ELAVL4: variants seen among roughly 807,000 people sequenced by gnomAD.
ELAVL4 encodes ELAV like RNA binding protein 4.
In ELAVL4, 1 loss-of-function variant was observed where a neutral mutation model predicts 35.6. The ratio of observed to expected loss-of-function variants is 0.03; its 90% CI spans 0.01 to 0.13. ELAVL4 has a LOEUF of 0.13. Among genes scored for constraint, ELAVL4 ranks in the 10% least tolerant of loss-of-function variants. ELAVL4 has a pLI of 1.00. For synonymous variants in ELAVL4, 156 were observed against 171.0 expected, an observed-to-expected ratio of 0.91 and a Z score of 0.69; for missense variants, 267 against 464.9, an observed-to-expected ratio of 0.57 and a Z score of 3.91.
intron 1 of ELAVL4, among the ~76,000 whole-genome samples, chr1:50,093,897 A>T (rs1665600177): frequency 6.6e-6 from 1 of 152,220 alleles, no homozygotes; most frequent in Admixed American, 6.5e-5. Context: ...TGAGTAAATG[A>T]TGTATGTTAT....
chr1:50,161,540 C>G (rs1676809610), intron 2 of ELAVL4, among the ~76,000 whole-genome samples: 1 of 152,000 alleles, frequency 6.6e-6, no homozygotes, highest in African/African-American at 2.4e-5. Context: ...AATTTCCTTT[C>G]TTTTCTGAAC....
intron 1 of ELAVL4, among the ~76,000 whole-genome samples, chr1:50,128,295 G>C (rs1670284591): frequency 6.6e-6 from 1 of 152,088 alleles, no homozygotes; most frequent in Non-Finnish European, 1.5e-5. Flanking sequence ...GGGCAATATA[G>C]CTTTAAAAGA....
At chr1:50,115,380 C>G (rs1428276608) in intron 1 of ELAVL4, 1 of 151,508 alleles carries the variant, frequency 6.6e-6, no homozygotes, top group Admixed American at 6.6e-5. Context: ...TTTGGAAAGT[C>G]TTATTTTTAA....
At chr1:50,166,129 C>T (rs1404283326) in intron 2 of ELAVL4, among the ~76,000 whole-genome samples, 1 of 152,076 alleles carries the variant, frequency 6.6e-6, no homozygotes, top group Non-Finnish European at 1.5e-5. Flanking sequence ...CTTTTGGCAA[C>T]ACCCTCACAG....
chr1:50,103,775 T>C (rs557027028), upstream of ELAVL4: 107 of 704,986 alleles, frequency 1.5e-4, no homozygotes, highest in Non-Finnish European at 2.3e-4. Flanking sequence ...GATATGTGAG[T>C]GTCTGTTCAC....
chr1:50,086,446 T>G (rs1209038701), intron 1 of ELAVL4, among the ~76,000 whole-genome samples: 1 of 150,126 alleles, frequency 6.7e-6, no homozygotes, highest in Non-Finnish European at 1.5e-5. Context: ...AAGGTATTTC[T>G]TTGTTTAGTT....
In ELAVL4 at chr1:50,086,476, T is replaced by TTATATATATATA. The variant is rs35215248; in HGVS notation, c.18+38307_18+38318dup. On this transcript the variant is annotated intron_variant, in intron 1 of 6. Transcript: ENST00000448907. ...TTAGTTCCTTGGAACCATTCAGCTT[T>TTATATATATATA]TATATATATATATATATATATATAC... Among the ~76,000 whole-genome samples, 13 of 144,410 alleles carry TTATATATATATA rather than the reference T, an allele frequency of 9.0e-5. No individual in the cohort carries two copies. In the East Asian group the frequency reaches 1.4e-3, roughly 16 times the overall value. The allele number at this position is 144,410 out of a possible 152,430, so 94.7% of individuals were successfully genotyped here.
At chr1:50,058,355 T>C (rs1160011483) in intron 1 of ELAVL4, among the ~76,000 whole-genome samples, 1 of 151,990 alleles carries the variant, frequency 6.6e-6, no homozygotes, top group Non-Finnish European at 1.5e-5. Flanking sequence ...TCAGCAGGGG[T>C]AAGGACAGGA....
upstream of ELAVL4, among the ~76,000 whole-genome samples, chr1:50,099,732 G>A (rs375677574): frequency 3.0e-4 from 46 of 152,068 alleles, 1 homozygote; most frequent in South Asian, 8.8e-3. Context: ...TAATGCTTTG[G>A]GACTTTAGCA....
upstream of ELAVL4, chr1:50,103,852 A>G: frequency 6.5e-7 from 1 of 1,534,942 alleles, no homozygotes; most frequent in Non-Finnish European, 8.8e-7. Context: ...GACAGCCGGA[A>G]CAGGAGGAAA....
intron 2 of ELAVL4, among the ~76,000 whole-genome samples, 182 bp from the exon 3 acceptor site, chr1:50,176,907 G>C (rs1173599451): frequency 1.3e-5 from 2 of 152,152 alleles, no homozygotes; most frequent in African/African-American, 4.8e-5. Context: ...TGGAGGAATT[G>C]GAAACCTCTC....
chr1:50,066,736 T>C (rs1276911799), intron 1 of ELAVL4, among the ~76,000 whole-genome samples: 1 of 152,178 alleles, frequency 6.6e-6, no homozygotes, highest in Non-Finnish European at 1.5e-5. Flanking sequence ...AAAATGGCTT[T>C]CTATAATTAA....
Position 50,202,794 on chromosome 1 carries a change from G to C in ELAVL4, c.*1616G>C, listed in dbSNP as rs1644438526. 2.0e-5 allele frequency: 3 copies of C among 152,078 alleles called. No homozygotes were observed. Among genetic ancestry groups the C allele is most frequent in the Admixed American group, 6.6e-5 (1 of 15,264 alleles). 9.4% of individuals were successfully genotyped at this position (152,078 alleles called of 1,614,324 possible). On this transcript the variant is annotated 3_prime_UTR_variant, in exon 7 of 7. Transcript: ENST00000371824. ...ATGATATTTAAGTGACAGTTAAAGA[G>C]GTATCAAGGTAACTTGTGTAGAACT...
chr1:50,095,123 A>G (rs1199032964), intron 1 of ELAVL4, among the ~76,000 whole-genome samples: 2 of 152,170 alleles, frequency 1.3e-5, no homozygotes. Flanking sequence ...ACAGACAAGG[A>G]GGCTTGAGTT....
At chr1:50,056,028 C>T (rs1399145943) in intron 1 of ELAVL4, among the ~76,000 whole-genome samples, 1 of 152,094 alleles carries the variant, frequency 6.6e-6, no homozygotes, top group Non-Finnish European at 1.5e-5. Context: ...TTAGTTGGCT[C>T]TGCTGCTATT....
At chr1:50,178,170 A>G (rs990026976) in intron 3 of ELAVL4, among the ~76,000 whole-genome samples, 9 of 152,136 alleles carry the variant, frequency 5.9e-5, no homozygotes, top group Non-Finnish European at 1.2e-4. Context: ...CCCATCTTTC[A>G]TAGCCTATTA....
rs374811070 is a variant in ELAVL4, at chr1:50,177,107, G to C, written c.269G>C (p.Gly90Ala). 1 of 1,613,528 alleles carries C rather than the reference G, an allele frequency of 6.2e-7. No individual in the cohort carries two copies. The highest frequency in any genetic ancestry group is 8.5e-7 in the Non-Finnish European group (1 of 1,179,824). ...TCCACAGGACAGAGTTTAGGGTATG[G>C]ATTTGTTAACTATATTGATCCAAAG... ...DKITGQSLGY[G>A]FVNYIDPKDA... Residue 90 changes from glycine to alanine, a missense_variant, in exon 3 of 7, where the codon GGA becomes GCA. Transcript: ENST00000371824.
At chr1:50,136,893 T>G (rs1671975487) in intron 1 of ELAVL4, among the ~76,000 whole-genome samples, 1 of 152,192 alleles carries the variant, frequency 6.6e-6, no homozygotes, top group Non-Finnish European at 1.5e-5. Flanking sequence ...CACTGGGCTC[T>G]TAGATGATGA....
intron 1 of ELAVL4, among the ~76,000 whole-genome samples, chr1:50,068,939 AT>A (rs2148485112): frequency 6.6e-6 from 1 of 152,358 alleles, no homozygotes; most frequent in South Asian, 2.1e-4. Flanking sequence ...TAAACAGGGT[AT>A]GGTAACTGAA....
Sources: allele counts gnomAD v4.1 joint callset (sites outside exome capture counted in the v4.1 genomes callset), GRCh38; gene constraint gnomAD v4.1.1; transcripts MANE v1.5; gene names NCBI Gene and HGNC (gene_info 2026-07-23, HGNC 2026-07-21).